COA1: variants seen among roughly 807,000 people sequenced by gnomAD.
COA1 encodes the protein cytochrome c oxidase assembly factor 1 homolog.
Under a neutral mutation model 16.0 loss-of-function variants are expected in COA1, and 13 were observed. The observed-to-expected ratio is 0.81, with a 90% CI of 0.53 to 1.29. The LOEUF (loss-of-function observed/expected upper bound fraction) is 1.29. COA1 is among the 50% of genes most tolerant of loss of function. The pLI, the probability that COA1 is intolerant of heterozygous loss-of-function variation, is 0.00. For synonymous variants in COA1, 65 were observed against 65.7 expected (o/e 0.99, Z 0.05); for missense variants, 179 against 177.0 (o/e 1.01, Z -0.06).
chr7:43,666,606 T>A (rs2092908970), intron 1 of COA1, among the ~76,000 whole-genome samples: 1 of 152,212 alleles, frequency 6.6e-6, no homozygotes, highest in South Asian at 2.1e-4. Context: ...TAAGAATTAT[T>A]GGTAAAATGC....
intron 1 of COA1, among the ~76,000 whole-genome samples, chr7:43,673,809 A>T (rs1314030135): frequency 6.6e-6 from 1 of 152,248 alleles, no homozygotes; most frequent in Admixed American, 6.5e-5. Context: ...AATAATATGT[A>T]GCCATAAAAA....
At chr7:43,680,884 T>C (rs1286647403) in intron 1 of COA1, among the ~76,000 whole-genome samples, 5 of 152,070 alleles carry the variant, frequency 3.3e-5, no homozygotes, top group South Asian at 4.1e-4. Context: ...GATGGGAAGA[T>C]GGTTTAAGCC....
intron 1 of COA1, among the ~76,000 whole-genome samples, chr7:43,678,996 G>A (rs555754922): frequency 6.6e-6 from 1 of 152,226 alleles, no homozygotes; most frequent in South Asian, 2.1e-4. Flanking sequence ...AGTATCTTGA[G>A]GGCCAGGCGT....
intron 1 of COA1, among the ~76,000 whole-genome samples, chr7:43,728,547 G>A (rs1049355592): frequency 6.6e-6 from 1 of 152,178 alleles, no homozygotes; most frequent in Non-Finnish European, 1.5e-5. Flanking sequence ...ACCTGCAGGT[G>A]TGTTTTCCAT....
intron 1 of COA1, among the ~76,000 whole-genome samples, chr7:43,728,331 A>G (rs2095662341): frequency 7.1e-6 from 1 of 141,314 alleles, no homozygotes; most frequent in South Asian, 2.4e-4. Context: ...TATTTTTTTA[A>G]AGGACTGAAG....
chr7:43,678,769 C>T (rs182596900), intron 1 of COA1, among the ~76,000 whole-genome samples: 1 of 152,016 alleles, frequency 6.6e-6, no homozygotes, highest in East Asian at 1.9e-4. Flanking sequence ...TACTTCACAC[C>T]CATTAGAATG....
At chr7:43,670,834 C>A (rs73108662) in intron 1 of COA1, among the ~76,000 whole-genome samples, 16,939 of 152,166 alleles carry the variant, frequency 0.11, 1,064 homozygotes, top group Admixed American at 0.19. Context: ...TTGTTTACTG[C>A]CATAACTCTG....
At chr7:43,612,089 T>A (rs896677277) in intron 6 of COA1, among the ~76,000 whole-genome samples, 2 of 152,250 alleles carry the variant, frequency 1.3e-5, no homozygotes, top group African/African-American at 4.8e-5. Context: ...TTCCTTTCTC[T>A]CTAATACACT....
intron 6 of COA1, among the ~76,000 whole-genome samples, chr7:43,628,482 C>T (rs1338768116): frequency 6.6e-6 from 1 of 152,144 alleles, no homozygotes; most frequent in African/African-American, 2.4e-5. Context: ...AGTAGAATTG[C>T]TAGGTCTTAT....
intron 4 of COA1, among the ~76,000 whole-genome samples, chr7:43,644,744 A>T (rs1368253383): frequency 1.1e-5 from 1 of 90,366 alleles, no homozygotes; most frequent in African/African-American, 3.9e-5. Flanking sequence ...ATAGATAGAT[A>T]GATAGATAGA....
intron 1 of COA1, among the ~76,000 whole-genome samples, chr7:43,654,412 TAGAAAGACTGCCTGTTA>T (rs1331561976): frequency 3.3e-5 from 5 of 152,154 alleles, no homozygotes; most frequent in Admixed American, 3.3e-4. Context: ...TAATTGGTTG[TAGAAAGACTGCCTGTTA>T]AGAACCACAC....
intron 6 of COA1, chr7:43,626,924 G>A (rs1461779250): frequency 6.6e-6 from 1 of 152,114 alleles, no homozygotes; most frequent in Non-Finnish European, 1.5e-5. Context: ...ACTTGTAAAG[G>A]TGTATTGGCA....
At chr7:43,694,561 A>C (rs941095946) in intron 1 of COA1, among the ~76,000 whole-genome samples, 1 of 152,134 alleles carries the variant, frequency 6.6e-6, no homozygotes, top group Non-Finnish European at 1.5e-5. Context: ...CTTTCTTTGA[A>C]ACAGCATCTA....
In COA1 at chr7:43,701,246, C is replaced by G. The variant is rs1022343847; in HGVS notation, c.-39+28183G>C. ...CCCAATAGGTAGTTTTTTCAACCCT[C>G]ACCCTCCTCCCACTCTCCATCCTCA... On this transcript the variant is annotated intron_variant, in intron 1 of 5. Transcript: ENST00000223336. Among the ~76,000 whole-genome samples, 7 of 152,224 alleles carry G rather than the reference C, an allele frequency of 4.6e-5. No individual in the cohort carries two copies. The South Asian group carries it at 1.2e-3, about 27-fold the overall frequency.
intron 1 of COA1, among the ~76,000 whole-genome samples, chr7:43,715,338 C>A (rs1048924646): frequency 6.6e-6 from 1 of 151,916 alleles, no homozygotes; most frequent in African/African-American, 2.4e-5. Flanking sequence ...AAATGCCAGG[C>A]GTGGTGGCAA....
downstream of COA1, among the ~76,000 whole-genome samples, chr7:43,636,237 A>G (rs769364540): frequency 6.6e-6 from 1 of 152,188 alleles, no homozygotes; most frequent in Admixed American, 6.5e-5. Flanking sequence ...ACTCTGCCAA[A>G]AAACATGCCT....
chr7:43,710,375 A>AAAAAT lies in COA1; in HGVS notation c.-39+19053_-39+19054insATTTT, dbSNP rs761592421. ...AAAAAAAAAAAAAAAAAAAAAAAAA[A>AAAAAT]ATATATATATATATATATATTTTTA... On this transcript the variant is annotated intron_variant, in intron 1 of 5. Transcript: ENST00000223336. Among the ~76,000 whole-genome samples, 68 of 36,446 alleles carry AAAAAT rather than the reference A, an allele frequency of 1.9e-3. 3 individuals are homozygous for AAAAAT. The highest frequency in any genetic ancestry group is 2.8e-3 in the Non-Finnish European group (59 of 21,344). 23.9% of individuals were successfully genotyped at this position (36,446 alleles called of 152,430 possible). A position where few individuals can be genotyped will look rare whatever the true frequency, so the allele number is the denominator to read the frequency against.
chr7:43,698,319 C>G (rs2131289749), intron 1 of COA1, among the ~76,000 whole-genome samples: 1 of 152,248 alleles, frequency 6.6e-6, no homozygotes, highest in African/African-American at 2.4e-5. Flanking sequence ...TGCTTGCTAA[C>G]CAACTTGTTC....
chr7:43,726,236 C>T (rs2095614348), intron 1 of COA1, among the ~76,000 whole-genome samples: 1 of 152,106 alleles, frequency 6.6e-6, no homozygotes, highest in African/African-American at 2.4e-5. Flanking sequence ...GGCAGAGAGA[C>T]AGGGAGGCAA....
Sources: allele counts gnomAD v4.1 joint callset (sites outside exome capture counted in the v4.1 genomes callset), GRCh38; gene constraint gnomAD v4.1.1; transcripts MANE v1.5; gene names NCBI Gene and HGNC (gene_info 2026-07-23, HGNC 2026-07-21).